TCOF1: variants seen among roughly 807,000 people sequenced by gnomAD.
The protein encoded by TCOF1 is treacle protein.
In TCOF1, 33 loss-of-function variants were observed where a neutral mutation model predicts 149.0. That is an observed-to-expected ratio of 0.22 (90% CI 0.17 to 0.30). The LOEUF (loss-of-function observed/expected upper bound fraction) is 0.30, where lower values mean the gene tolerates loss of function less well. TCOF1 is among the 10% of genes least tolerant of loss of function. The probability of loss-of-function intolerance (pLI) is 1.00; values close to 1 mark genes in which losing one functional copy is unlikely to be tolerated. For synonymous variants in TCOF1, 789 were observed against 738.8 expected, an observed-to-expected ratio of 1.07 and a Z score of -1.10; for missense variants, 1,728 against 1,840.7, an observed-to-expected ratio of 0.94 and a Z score of 1.12.
intron 2 of TCOF1, among the ~76,000 whole-genome samples, chr5:150,362,779 A>C (rs1760432457): frequency 6.6e-6 from 1 of 152,156 alleles, no homozygotes; most frequent in African/African-American, 2.4e-5. Context: ...TGACTTGCCC[A>C]GGTGAGTGGG....
In TCOF1 at chr5:150,376,291, T is replaced by C; in HGVS notation, c.2103T>C (p.Ser701=). Residue 701 remains serine (S), a synonymous_variant, in exon 13 of 27, where the codon AGT becomes AGC. Coordinates refer to ENST00000643257, the MANE Select transcript of TCOF1 (RefSeq NM_001371623.1). ...EDSSSSEESD[S]EEEKTGLAVT... ...CTTCAAGCAGTGAGGAATCAGATAG[T>C]GAGGAAGAGAAGACAGGTCTTGCAG... is the stretch of plus-strand genomic sequence containing the variant. 2 of 1,613,932 alleles carry C rather than the reference T, an allele frequency of 1.2e-6. No homozygotes were observed. Among genetic ancestry groups the C allele is most frequent in the Non-Finnish European group, 1.7e-6 (2 of 1,179,972 alleles).
At chr5:150,371,452 C>T (rs1762502736) in intron 6 of TCOF1, among the ~76,000 whole-genome samples, 1 of 152,200 alleles carries the variant, frequency 6.6e-6, no homozygotes, top group Non-Finnish European at 1.5e-5. Flanking sequence ...AAACCCAGGG[C>T]CGCAAGGGGT....
chr5:150,392,101 G>T lies in TCOF1; in HGVS notation c.3442G>T (p.Asp1148Tyr), dbSNP rs769189048. The change falls in exon 21 of 27, where the codon GAC becomes TAC. Residue 1148 changes from aspartate (D) to tyrosine (Y), a missense_variant. Coordinates refer to ENST00000643257, the MANE Select transcript of TCOF1 (RefSeq NM_001371623.1). Reference protein sequence around the residue: ...KAPESSDDSEDSSDSSSGSEE... With the variant: ...KAPESSDDSEYSSDSSSGSEE... ...CCCTGAGAGCTCAGATGACAGTGAGGACAGCAGCGACAGTTCTTCAGGGAG... is the reference window on the plus strand; with the variant it reads ...CCCTGAGAGCTCAGATGACAGTGAGTACAGCAGCGACAGTTCTTCAGGGAG... 2.5e-6 allele frequency: 4 copies of T among 1,614,242 alleles called. No individual in the cohort carries two copies. The highest frequency in any genetic ancestry group is 3.4e-6 in the Non-Finnish European group (4 of 1,180,046).
At chr5:150,396,219 A>C in intron 23 of TCOF1, 63 bp from the exon 24 acceptor site, 2 of 1,580,748 alleles carry the variant, frequency 1.3e-6, no homozygotes, top group Non-Finnish European at 1.7e-6. Flanking sequence ...CTTCGCTCTT[A>C]GGTACCATAA....
At chr5:150,381,970 C>T (rs915243638) in intron 17 of TCOF1, among the ~76,000 whole-genome samples, 19 of 152,108 alleles carry the variant, frequency 1.2e-4, no homozygotes, top group African/African-American at 4.6e-4. Flanking sequence ...CTGAGACAGG[C>T]GGATCACTTG....
intron 17 of TCOF1, among the ~76,000 whole-genome samples, chr5:150,385,805 G>T (rs749805976): frequency 1.5e-4 from 23 of 152,156 alleles, no homozygotes; most frequent in Non-Finnish European, 2.5e-4. Flanking sequence ...TTACTGCCCA[G>T]CACCTATAGG....
In TCOF1 at chr5:150,374,875, G is replaced by A; in HGVS notation, c.1278+64G>A. 3 of 1,611,070 alleles carry A rather than the reference G, an allele frequency of 1.9e-6. No individual in the cohort carries two copies. The South Asian group carries it at 3.3e-5, about 18-fold the overall frequency. On this transcript the variant is annotated intron_variant, in intron 9 of 26. Coordinates refer to ENST00000643257, the MANE Select transcript of TCOF1 (RefSeq NM_001371623.1). ...TAAACCCCAGCACCTGCATGGGTGT[G>A]GCCACCTTTGCCACATCCAGCTCCT...
Position 150,376,171 on chromosome 5 carries a change from G to A in TCOF1, c.1983G>A (p.Val661=). 6.2e-7 allele frequency: 1 copy of A among 1,614,176 alleles called. No homozygotes were observed. Among genetic ancestry groups the A allele is most frequent in the Non-Finnish European group, 8.5e-7 (1 of 1,180,010 alleles). The change falls in exon 13 of 27, where the codon GTG becomes GTA. Residue 661 remains valine (V), a synonymous_variant. Coordinates refer to ENST00000643257, the MANE Select transcript of TCOF1 (RefSeq NM_001371623.1). ...TASAKVAPVR[V]GTQAPRKAGT... ...CTGCCAAGGTCGCCCCTGTGCGAGT[G>A]GGCACCCAAGCCCCCCGGAAAGCAG...
Position 150,393,401 on chromosome 5 carries a change from A to T in TCOF1, c.3633A>T (p.Gly1211=). 1.9e-6 allele frequency: 3 copies of T among 1,614,012 alleles called. No homozygotes were observed. Among genetic ancestry groups the T allele is most frequent in the Non-Finnish European group, 2.5e-6 (3 of 1,180,000 alleles). Residue 1211 remains glycine (G), a synonymous_variant, in exon 23 of 27, where the codon GGA becomes GGT. Transcript: ENST00000643257. ...TCCTCTCAGGTTATATGACCCCTGGACTAACCCCAGCCAATTCCCAGGCCT... is the reference window on the plus strand; with the variant it reads ...TCCTCTCAGGTTATATGACCCCTGGTCTAACCCCAGCCAATTCCCAGGCCT... The part of the protein sequence containing the change: ...QSLLSGYMTP[G]LTPANSQASK...
chr5:150,387,989 AC>A lies in TCOF1; in HGVS notation c.2951del (p.Pro984ArgfsTer23). 1 of 1,613,736 alleles carries A rather than the reference AC, an allele frequency of 6.2e-7. No individual in the cohort carries two copies. Among genetic ancestry groups the A allele is most frequent in the Non-Finnish European group, 8.5e-7 (1 of 1,180,020 alleles). On this transcript the variant is annotated frameshift_variant, in exon 18 of 27. Transcript: ENST00000643257. LOFTEE classifies it high-confidence loss of function. Reference sequence around the variant, plus strand: ...ACCCGCACAAGCCCAGGCTGCAAGCACCCCGAGGAAGGCCCGAGCCTCGGAG... The same window carrying A: ...ACCCGCACAAGCCCAGGCTGCAAGCACCCGAGGAAGGCCCGAGCCTCGGAG... ...ATPAQAQAAS[T>X]PRKARASEST...
rs1198806056 is a variant in TCOF1 at position 150,400,221 on chromosome 5, A to C, written c.*434A>C. 26 of 150,070 alleles carry C rather than the reference A, an allele frequency of 1.7e-4. No individual in the cohort carries two copies. Among genetic ancestry groups the C allele is most frequent in the African/African-American group, 5.6e-4 (23 of 40,820 alleles). 9.3% of individuals were successfully genotyped at this position (150,070 alleles called of 1,614,324 possible). A position where few individuals can be genotyped will look rare whatever the true frequency, so the allele number is the denominator to read the frequency against. Reference sequence around the variant, plus strand: ...CCCGAGGCTTTGTCTTCCTCTCGTCAGTTCTTTTGGTTGTGTTTTTTGTTT... The same window carrying C: ...CCCGAGGCTTTGTCTTCCTCTCGTCCGTTCTTTTGGTTGTGTTTTTTGTTT... On this transcript the variant is annotated 3_prime_UTR_variant, in exon 27 of 27. Transcript: ENST00000643257.
rs1337958448 is a variant in TCOF1, at chr5:150,374,314, G to T, written c.1011G>T (p.Glu337Asp). 2 of 1,583,394 alleles carry T rather than the reference G, an allele frequency of 1.3e-6. No homozygotes were observed. Among genetic ancestry groups the T allele is most frequent in the Non-Finnish European group, 1.7e-6 (2 of 1,163,850 alleles). Reference protein sequence around the residue: ...ASQTKAGKPEEDSESSSEESS... With the variant: ...ASQTKAGKPEDDSESSSEESS... ...AGACCAAGGCAGGGAAGCCAGAGGA[G>T]GACTCAGAGAGCAGCAGCGAGGAGT... is the stretch of plus-strand genomic sequence containing the variant. Residue 337 changes from glutamate to aspartate, a missense_variant, in exon 8 of 27, where the codon GAG (glutamate) becomes GAT (aspartate). Transcript: ENST00000643257.
intron 8 of TCOF1, 70 bp downstream of exon 8, chr5:150,374,456 C>A: frequency 6.5e-7 from 1 of 1,548,314 alleles, no homozygotes; most frequent in South Asian, 1.2e-5. Context: ...GACTTGTTCT[C>A]CCACTCTGGG....
chr5:150,388,727 C>A (rs558970527), intron 18 of TCOF1, among the ~76,000 whole-genome samples: 71 of 152,184 alleles, frequency 4.7e-4, no homozygotes, highest in Non-Finnish European at 8.5e-4. Context: ...CACCTGAGAT[C>A]AGGAGTTCAA....
In TCOF1 at chr5:150,376,570, A is replaced by G. The variant is rs1434425804; in HGVS notation, c.2290A>G (p.Ser764Gly). 1.9e-6 allele frequency: 3 copies of G among 1,593,486 alleles called. No individual in the cohort carries two copies. The highest frequency in any genetic ancestry group is 1.1e-5 in the South Asian group (1 of 88,830). The change falls in exon 14 of 27, where the codon AGC becomes GGC. Residue 764 changes from serine (S) to glycine (G), a missense_variant. This residue lies in a region of TCOF1 where 1,696 missense variants were observed against 1,765.4 expected (regional missense o/e 0.96). Transcript: ENST00000643257. ...VKAEKQEDSE[S>G]SEEESDSEEA... ...AGCTGAAAAGCAGGAAGACTCTGAG[A>G]GCAGTGAGGAGGAATCAGACAGTGA...
chr5:150,361,225 C>T lies in TCOF1; in HGVS notation c.164+14C>T. 6.2e-7 allele frequency: 1 copy of T among 1,614,024 alleles called. No homozygotes were observed. The highest frequency in any genetic ancestry group is 8.5e-7 in the Non-Finnish European group (1 of 1,179,956). ...ACACTGGCAACAGTAAGTGGTGGGGCCTATAGGGTGGAGTAGGGACGGACA... is the reference window on the plus strand; with the variant it reads ...ACACTGGCAACAGTAAGTGGTGGGGTCTATAGGGTGGAGTAGGGACGGACA... On this transcript the variant is annotated intron_variant, in intron 2 of 26. Coordinates refer to ENST00000643257, the MANE Select transcript of TCOF1 (RefSeq NM_001371623.1).
At chr5:150,365,054 C>T (rs1761023130) in intron 3 of TCOF1, 1 of 151,814 alleles carries the variant, frequency 6.6e-6, no homozygotes, top group Non-Finnish European at 1.5e-5. Context: ...TGAGATCATA[C>T]TAGGTATATA....
intron 10 of TCOF1, 67 bp from the exon 11 acceptor site, chr5:150,375,272 C>T: frequency 6.2e-7 from 1 of 1,603,610 alleles, no homozygotes; most frequent in Non-Finnish European, 8.5e-7. Context: ...GCTTCGTTTG[C>T]TCTCCTCCCC....
rs143572404 is a variant in TCOF1, at chr5:150,384,215, A to G, written c.2860-3687A>G. The G allele has an allele frequency of 3.5e-5, 35 of 1,000,212 alleles. No homozygotes were observed. The African/African-American group carries it at 5.0e-4, about 14-fold the overall frequency. The allele number at this position is 1,000,212 out of a possible 1,614,324, so 62.0% of individuals were successfully genotyped here. On this transcript the variant is annotated intron_variant, in intron 17 of 26. Coordinates refer to ENST00000643257, the MANE Select transcript of TCOF1 (RefSeq NM_001371623.1). ...GGTGCTCACTGCCTCTCACTTTCCA[A>G]TGGCACAGATTACAAAAGTAAAGAA...
Sources: gnomAD v4.1 joint callset for allele counts (sites outside exome capture counted in the v4.1 genomes callset) on GRCh38, gnomAD v4.1.1 for gene constraint, gnomAD v4.1.1 regional missense constraint, MANE v1.5 for transcripts, NCBI Gene and HGNC (gene_info 2026-07-23, HGNC 2026-07-21) for gene names.